Variants in TBC1D22A observed in about 807,000 individuals in gnomAD.
The protein encoded by TBC1D22A is putative GTPase activator.
In TBC1D22A, 38 loss-of-function variants were observed where a neutral mutation model predicts 60.2. That is an observed-to-expected ratio of 0.63 (90% CI 0.49 to 0.83). The LOEUF (loss-of-function observed/expected upper bound fraction) is 0.83, where lower values mean the gene tolerates loss of function less well. Among genes scored for constraint, TBC1D22A ranks in the 40% least tolerant of loss-of-function variants. TBC1D22A has a pLI of 0.00. For synonymous variants in TBC1D22A, 302 were observed against 281.7 expected (o/e 1.07, Z -0.72); for missense variants, 628 against 701.0 (o/e 0.90, Z 1.18).
At chr22:47,095,146 G>T (rs146024285) in intron 11 of TBC1D22A, among the ~76,000 whole-genome samples, 1 of 152,378 alleles carries the variant, frequency 6.6e-6, no homozygotes, top group Non-Finnish European at 1.5e-5. Context: ...GCTGGTAATT[G>T]TGAAACACAG....
chr22:46,909,382 T>C (rs2069734915), intron 7 of TBC1D22A, among the ~76,000 whole-genome samples: 1 of 151,880 alleles, frequency 6.6e-6, no homozygotes, highest in African/African-American at 2.4e-5. Flanking sequence ...GTGCCTGCCT[T>C]GACTCCCTCT....
At chr22:46,978,712 C>T (rs1035185414) in intron 9 of TBC1D22A, among the ~76,000 whole-genome samples, 6 of 152,106 alleles carry the variant, frequency 3.9e-5, no homozygotes, top group African/African-American at 1.4e-4. Flanking sequence ...CAGGTTCAAG[C>T]GATTCTCCGC....
chr22:47,153,617 A>G (rs1317522840), intron 12 of TBC1D22A, among the ~76,000 whole-genome samples: 1 of 152,076 alleles, frequency 6.6e-6, no homozygotes, highest in African/African-American at 2.4e-5. Flanking sequence ...CGTGCAAGCG[A>G]AAGATGAGAG....
At chr22:46,877,038 T>C (rs879883057) in intron 4 of TBC1D22A, among the ~76,000 whole-genome samples, 1 of 152,262 alleles carries the variant, frequency 6.6e-6, no homozygotes, top group African/African-American at 2.4e-5. Context: ...ATTTTGGATC[T>C]TTTTGTCTGT....
At chr22:46,947,472 C>A (rs2072620444) in intron 8 of TBC1D22A, among the ~76,000 whole-genome samples, 1 of 152,156 alleles carries the variant, frequency 6.6e-6, no homozygotes, top group African/African-American at 2.4e-5. Context: ...ACAGGTGGGG[C>A]AATAAGGGCC....
chr22:46,795,965 A>G (rs1415030608), intron 3 of TBC1D22A, among the ~76,000 whole-genome samples: 1 of 152,110 alleles, frequency 6.6e-6, no homozygotes, highest in Non-Finnish European at 1.5e-5. Flanking sequence ...ACTGTCACCC[A>G]TGGTCCTCCC....
intron 4 of TBC1D22A, among the ~76,000 whole-genome samples, chr22:46,815,507 G>T (rs2147063758): frequency 6.6e-6 from 1 of 152,372 alleles, no homozygotes; most frequent in South Asian, 2.1e-4. Flanking sequence ...TTCTGCTTCA[G>T]ACTTTCTAAA....
At chr22:47,003,546 C>T (rs1419276542) in intron 10 of TBC1D22A, among the ~76,000 whole-genome samples, 2 of 143,790 alleles carry the variant, frequency 1.4e-5, no homozygotes, top group Non-Finnish European at 3.0e-5. Context: ...ACACACATGC[C>T]TGTATACACA....
chr22:46,839,309 CT>C lies in TBC1D22A; in HGVS notation c.638-39328del, dbSNP rs1178066621. 6.4e-3 allele frequency among the ~76,000 whole-genome samples: 892 copies of C among 139,944 alleles called. 8 individuals are homozygous for C. Among genetic ancestry groups the C allele is most frequent in the African/African-American group, 0.017 (668 of 38,580 alleles). 91.8% of individuals were successfully genotyped at this position (139,944 alleles called of 152,430 possible). A position where few individuals can be genotyped will look rare whatever the true frequency, so the allele number is the denominator to read the frequency against. ...ACCAAGGCGGTGAAGGATTCTTCTT[CT>C]TTTTTTTTTTTTTTTGAGACGGAGT... On this transcript the variant is annotated intron_variant, in intron 4 of 12. Transcript: ENST00000337137.
intron 5 of TBC1D22A, 89 bp from the exon 6 acceptor site, chr22:46,891,177 T>G (rs9627605): frequency 0.072 from 100,189 of 1,383,954 alleles, 8,587 homozygotes; most frequent in African/African-American, 0.42. Context: ...AGCTTAGGTA[T>G]GATGCAAGTC....
chr22:46,896,785 C>T (rs772226392), intron 7 of TBC1D22A, among the ~76,000 whole-genome samples: 8 of 152,290 alleles, frequency 5.3e-5, no homozygotes, highest in African/African-American at 1.4e-4. Flanking sequence ...TCCTCTTCAC[C>T]GTGGACTGGC....
intron 4 of TBC1D22A, among the ~76,000 whole-genome samples, chr22:46,870,428 A>G (rs77495303): frequency 0.01 from 1,562 of 152,360 alleles, 25 homozygotes; most frequent in African/African-American, 0.036. Context: ...CCACTGTTGT[A>G]GAAGAAATGC....
intron 4 of TBC1D22A, among the ~76,000 whole-genome samples, chr22:46,830,004 CT>C (rs2086241653): frequency 1.3e-5 from 2 of 152,228 alleles, no homozygotes; most frequent in Non-Finnish European, 2.9e-5. Flanking sequence ...TCCCAAGGCG[CT>C]GTGCTCGGCG....
At chr22:46,851,758 A>T (rs1343818124) in intron 4 of TBC1D22A, among the ~76,000 whole-genome samples, 1 of 152,232 alleles carries the variant, frequency 6.6e-6, no homozygotes, top group African/African-American at 2.4e-5. Flanking sequence ...TGACCTCCAT[A>T]GCTCTTTGTT....
intron 11 of TBC1D22A, among the ~76,000 whole-genome samples, chr22:47,053,283 T>G (rs1464699286): frequency 6.6e-6 from 1 of 152,186 alleles, no homozygotes; most frequent in Non-Finnish European, 1.5e-5. Context: ...GGGGTGGACG[T>G]GTCTTTGTTT....
chr22:47,109,025 T>A (rs1255156677), intron 11 of TBC1D22A, among the ~76,000 whole-genome samples: 1 of 152,200 alleles, frequency 6.6e-6, no homozygotes, highest in Non-Finnish European at 1.5e-5. Flanking sequence ...GTATGAGAGT[T>A]ATACCTCAGG....
intron 9 of TBC1D22A, among the ~76,000 whole-genome samples, chr22:46,984,081 G>A (rs1002491196): frequency 6.6e-6 from 1 of 151,898 alleles, no homozygotes; most frequent in African/African-American, 2.4e-5. Context: ...GAAGTTCCAG[G>A]CTGGGCTGGG....
chr22:47,081,612 A>G (rs2064470698), intron 11 of TBC1D22A, among the ~76,000 whole-genome samples: 1 of 152,244 alleles, frequency 6.6e-6, no homozygotes, highest in Non-Finnish European at 1.5e-5. Context: ...TGGATGCAGG[A>G]TACAAGGTTA....
At chr22:46,971,911 G>C (rs1330989354) in intron 8 of TBC1D22A, among the ~76,000 whole-genome samples, 1 of 152,224 alleles carries the variant, frequency 6.6e-6, no homozygotes, top group Non-Finnish European at 1.5e-5. Flanking sequence ...CCACTTGCTG[G>C]AGGGAGAGCC....
Sources: allele counts gnomAD v4.1 joint callset (sites outside exome capture counted in the v4.1 genomes callset), GRCh38; gene constraint gnomAD v4.1.1; transcripts MANE v1.5; gene names NCBI Gene and HGNC (gene_info 2026-07-23, HGNC 2026-07-21).